Variants in ZNF407 observed in about 807,000 individuals in gnomAD.
The protein encoded by ZNF407 is zinc finger protein 407.
In ZNF407, 17 loss-of-function variants were observed where a neutral mutation model predicts 131.2. The observed-to-expected ratio is 0.13, with a 90% CI of 0.09 to 0.19. The LOEUF (loss-of-function observed/expected upper bound fraction) is 0.19. ZNF407 is among the 10% of genes least tolerant of loss of function. The pLI is 1.00. For missense variants in ZNF407, 2,681 were observed against 2,830.6 expected, an observed-to-expected ratio of 0.95 and a Z score of 1.20; for synonymous variants, 1,156 against 1,062.0, an observed-to-expected ratio of 1.09 and a Z score of -1.72.
At chr18:74,773,659 T>C (rs1477525862) in intron 3 of ZNF407, among the ~76,000 whole-genome samples, 2 of 152,232 alleles carry the variant, frequency 1.3e-5, no homozygotes. Context: ...AGTAATGTAT[T>C]TTGTACCACC....
In ZNF407 at chr18:75,063,443, G is replaced by A. The variant is rs1973663996; in HGVS notation, c.5722G>A (p.Asp1908Asn). The A allele has an allele frequency of 6.2e-7, 1 of 1,608,958 alleles. No individual in the cohort carries two copies. The highest frequency in any genetic ancestry group is 1.3e-5 in the African/African-American group (1 of 74,954). ...QVARVVHITE[D>N]GQVIATSQSG... is the part of the protein sequence containing the mutation. ...GGCCCGGGTGGTGCATATCACGGAG[G>A]ATGGCCAGGTCATCGCCACGAGTCA... The change falls in exon 9 of 9, where the codon GAT becomes AAT. Residue 1908 changes from aspartate (D) to asparagine (N), a missense_variant. Physicochemically the swap from Asp to Asn is conservative, Grantham distance 23 (BLOSUM62 1). Transcript: ENST00000299687. This position sits in a 1 kb window ranked among gnomAD's most constrained non-coding sequence, Gnocchi z 6.6.
intron 8 of ZNF407, among the ~76,000 whole-genome samples, chr18:75,004,404 TGA>T (rs1005239430): frequency 2.0e-5 from 3 of 152,188 alleles, no homozygotes; most frequent in African/African-American, 7.2e-5. Context: ...TGATTCTCAG[TGA>T]GCAGGTGAGC....
intron 8 of ZNF407, among the ~76,000 whole-genome samples, chr18:74,995,043 T>C (rs1268155091): frequency 6.6e-6 from 1 of 152,228 alleles, no homozygotes; most frequent in Non-Finnish European, 1.5e-5. Flanking sequence ...ATGTATGTAT[T>C]TTCTTTCTCT....
chr18:74,722,534 T>C (rs1030580451), intron 3 of ZNF407, among the ~76,000 whole-genome samples: 14 of 152,154 alleles, frequency 9.2e-5, no homozygotes, highest in Admixed American at 2.0e-4. Context: ...GGTTTTGCCC[T>C]CACCCCAGAT....
intron 3 of ZNF407, among the ~76,000 whole-genome samples, chr18:74,709,396 A>G (rs887800897): frequency 1.3e-5 from 2 of 152,212 alleles, no homozygotes; most frequent in African/African-American, 4.8e-5. Context: ...CCACCACCCA[A>G]AAATCCTTGT....
At chr18:74,879,469 A>C (rs1004933775) in intron 5 of ZNF407, among the ~76,000 whole-genome samples, 1 of 152,212 alleles carries the variant, frequency 6.6e-6, no homozygotes, top group African/African-American at 2.4e-5. Context: ...AACTGTGTTA[A>C]TATTAACGAG....
intron 3 of ZNF407, among the ~76,000 whole-genome samples, chr18:74,663,684 G>C (rs776765806): frequency 6.6e-6 from 1 of 152,132 alleles, no homozygotes; most frequent in Non-Finnish European, 1.5e-5. Context: ...CCAATTCTTG[G>C]AATGTCATAA....
chr18:74,883,574 C>T (rs1335861308), intron 6 of ZNF407, among the ~76,000 whole-genome samples: 1 of 152,206 alleles, frequency 6.6e-6, no homozygotes, highest in Non-Finnish European at 1.5e-5. Context: ...CTTTTATCAC[C>T]TGTCAGGGAC....
At chr18:74,803,213 G>C (rs1207771645) in intron 4 of ZNF407, among the ~76,000 whole-genome samples, 1 of 152,166 alleles carries the variant, frequency 6.6e-6, no homozygotes, top group Non-Finnish European at 1.5e-5. Context: ...TGGAGTGAGG[G>C]GAAGACCTGT....
rs561642865 is a variant in ZNF407, at chr18:74,967,740, G to A, written c.5428+47048G>A. 7.2e-5 allele frequency among the ~76,000 whole-genome samples: 11 copies of A among 152,298 alleles called. No homozygotes were observed. The South Asian group carries it at 1.9e-3, about 26-fold the overall frequency. The stretch of plus-strand genomic sequence containing the variant: ...GAAGTGAAAGTCATGTTCAAATAAC[G>A]TTGTTCAATGTTTTGCTAAAGGAAA... On this transcript the variant is annotated intron_variant, in intron 8 of 8. Transcript: ENST00000299687.
At chr18:74,617,368 C>T (rs1255448785) in intron 1 of ZNF407, among the ~76,000 whole-genome samples, 1 of 152,148 alleles carries the variant, frequency 6.6e-6, no homozygotes, top group Non-Finnish European at 1.5e-5. Flanking sequence ...CCTAAAATGT[C>T]CTCAATAGCA....
At chr18:75,016,447 A>T (rs565064730) in intron 8 of ZNF407, among the ~76,000 whole-genome samples, 75 of 152,270 alleles carry the variant, frequency 4.9e-4, no homozygotes, top group African/African-American at 1.7e-3. Context: ...TTATTGCTAT[A>T]TAATGAGCGT....
At chr18:74,629,941 A>G (rs1296388028) in intron 1 of ZNF407, among the ~76,000 whole-genome samples, 1 of 152,124 alleles carries the variant, frequency 6.6e-6, no homozygotes, top group African/African-American at 2.4e-5. Flanking sequence ...ATTCTACTCT[A>G]CCACTGACAT....
intron 8 of ZNF407, among the ~76,000 whole-genome samples, chr18:74,947,154 C>T (rs959447291): frequency 6.6e-6 from 1 of 152,118 alleles, no homozygotes; most frequent in Non-Finnish European, 1.5e-5. Context: ...CCTATTTTTT[C>T]TCCTTTTTAT....
intron 3 of ZNF407, among the ~76,000 whole-genome samples, chr18:74,779,109 A>ATATATATATATATATATTTTTTTTTT (rs397943457): frequency 4.1e-5 from 1 of 24,372 alleles, no homozygotes; most frequent in Non-Finnish European, 7.2e-5. Context: ...ATATATATAT[A>ATATATATATATATATATTTTTTTTTT]TTTTTTTTTT....
chr18:75,061,687 G>C (rs1199685306), intron 8 of ZNF407: 1 of 152,574 alleles, frequency 6.6e-6, no homozygotes, highest in Non-Finnish European at 1.5e-5. Flanking sequence ...CCCAAGCCCT[G>C]TGCTCTGCCT....
chr18:74,913,028 C>T (rs1971695752), intron 7 of ZNF407, among the ~76,000 whole-genome samples: 1 of 152,208 alleles, frequency 6.6e-6, no homozygotes. Context: ...TTACCCACCA[C>T]ATGGGCAACA....
rs1012089286 is a variant in ZNF407, at chr18:74,703,971, T to A, written c.4802+62849T>A. On this transcript the variant is annotated intron_variant, in intron 3 of 8. Transcript: ENST00000299687. This position sits in a 1 kb window ranked among gnomAD's most constrained non-coding sequence, Gnocchi z 4.1. ...CTCTTTTTTTTTATTTTTTATTTTTTTGCATCTCACAGATAGTCATTCATG... is the reference window on the plus strand; with the variant it reads ...CTCTTTTTTTTTATTTTTTATTTTTATGCATCTCACAGATAGTCATTCATG... 6.6e-6 allele frequency among the ~76,000 whole-genome samples: 1 copy of A among 152,194 alleles called. No homozygotes were observed. The highest frequency in any genetic ancestry group is 1.5e-5 in the Non-Finnish European group (1 of 68,040).
intron 8 of ZNF407, among the ~76,000 whole-genome samples, chr18:74,960,956 G>A (rs1363857215): frequency 6.7e-6 from 1 of 148,886 alleles, no homozygotes; most frequent in Non-Finnish European, 1.5e-5. Context: ...CTGGGTGGAG[G>A]GATAGGAGAA....
Sources: allele counts gnomAD v4.1 joint callset (sites outside exome capture counted in the v4.1 genomes callset), GRCh38; gene constraint gnomAD v4.1.1; non-coding constraint Gnocchi (gnomAD v3.1); transcripts MANE v1.5; gene names NCBI Gene and HGNC (gene_info 2026-07-23, HGNC 2026-07-21).